Variants in ME3 observed in about 807,000 individuals in gnomAD.
The protein encoded by ME3 is NADP-dependent malic enzyme, mitochondrial.
In ME3, 48 loss-of-function variants were observed where a neutral mutation model predicts 68.9. The ratio of observed to expected loss-of-function variants is 0.70; its 90% CI spans 0.55 to 0.89. The LOEUF is 0.89. Among genes scored for constraint, ME3 ranks in the 40% least tolerant of loss-of-function variants. ME3 has a pLI of 0.00. For missense variants in ME3, 675 were observed against 797.4 expected (o/e 0.85, Z 1.85); for synonymous variants, 320 against 318.8 (o/e 1.00, Z -0.04).
At chr11:86,518,764 T>C (rs1565889820) in intron 4 of ME3, among the ~76,000 whole-genome samples, 2 of 152,206 alleles carry the variant, frequency 1.3e-5, no homozygotes, top group African/African-American at 2.4e-5. Flanking sequence ...ATAGGGTCTT[T>C]GCAGATGTGG....
intron 2 of ME3, among the ~76,000 whole-genome samples, chr11:86,664,174 AC>A (rs1397779501): frequency 6.6e-6 from 1 of 152,236 alleles, no homozygotes; most frequent in Admixed American, 6.5e-5. Context: ...AGAAACTGTA[AC>A]CTAAAATTGA....
At chr11:86,447,855 CAA>C (rs35352939) in intron 11 of ME3, among the ~76,000 whole-genome samples, 33 of 120,774 alleles carry the variant, frequency 2.7e-4, no homozygotes, top group East Asian at 9.0e-4. Context: ...TAAACTCTGT[CAA>C]AAAAAAAAAA....
Position 86,671,977 on chromosome 11 carries a change from C to T in ME3, c.-14-19G>A, listed in dbSNP as rs1281525818. 7.2e-7 allele frequency: 1 copy of T among 1,380,276 alleles called. No homozygotes were observed. Among genetic ancestry groups the T allele is most frequent in the Non-Finnish European group, 9.3e-7 (1 of 1,074,456 alleles). 85.5% of individuals were successfully genotyped at this position (1,380,276 alleles called of 1,614,324 possible). ...GGCAGACCTGGCACGGGAGAGAAAGCAAGGTCAGGGCCTCCTTCCAGCCAG... is the reference window on the plus strand; with the variant it reads ...GGCAGACCTGGCACGGGAGAGAAAGTAAGGTCAGGGCCTCCTTCCAGCCAG... On this transcript the variant is annotated intron_variant, in intron 1 of 14. Coordinates refer to ENST00000543262, the Ensembl canonical transcript of ME3.
chr11:86,662,097 G>A (rs627684), intron 2 of ME3, among the ~76,000 whole-genome samples: 46,394 of 151,970 alleles, frequency 0.31, 7,134 homozygotes, highest in East Asian at 0.36. Flanking sequence ...GAAGTCCACA[G>A]CAGGGAACAG....
At chr11:86,517,946 C>T (rs1355615292) in intron 4 of ME3, among the ~76,000 whole-genome samples, 1 of 152,106 alleles carries the variant, frequency 6.6e-6, no homozygotes, top group Non-Finnish European at 1.5e-5. Flanking sequence ...ATGTTTACTT[C>T]AAAGTATTTC....
chr11:86,556,302 G>A (rs1021354100), intron 4 of ME3, among the ~76,000 whole-genome samples: 11 of 152,160 alleles, frequency 7.2e-5, no homozygotes, highest in Admixed American at 2.6e-4. Context: ...GGCCAACTCT[G>A]AGCATGCTGG....
chr11:86,661,856 TG>T (rs1946303257), intron 2 of ME3, among the ~76,000 whole-genome samples: 2 of 71,404 alleles, frequency 2.8e-5, no homozygotes, highest in African/African-American at 1.1e-4. Flanking sequence ...TGTATTGTAT[TG>T]TATTGTATTG....
At chr11:86,460,714 A>G (rs977591819) in intron 8 of ME3, among the ~76,000 whole-genome samples, 5 of 151,138 alleles carry the variant, frequency 3.3e-5, no homozygotes, top group Admixed American at 3.3e-4. Flanking sequence ...TCACCCCTTC[A>G]CTCCCAACCC....
At chr11:86,529,009 A>C (rs1286142729) in intron 4 of ME3, among the ~76,000 whole-genome samples, 1 of 152,194 alleles carries the variant, frequency 6.6e-6, no homozygotes, top group East Asian at 1.9e-4. Context: ...CTAAGATCAG[A>C]GCTGAACTGA....
intron 5 of ME3, among the ~76,000 whole-genome samples, chr11:86,505,657 G>A (rs963405380): frequency 6.6e-6 from 1 of 152,166 alleles, no homozygotes; most frequent in Non-Finnish European, 1.5e-5. Flanking sequence ...CCATTCAAGT[G>A]CCCTTCGATG....
intron 2 of ME3, among the ~76,000 whole-genome samples, chr11:86,633,852 G>A (rs1299552500): frequency 6.6e-6 from 1 of 152,166 alleles, no homozygotes; most frequent in Non-Finnish European, 1.5e-5. Context: ...GGAAACCTGG[G>A]CTCAACGCAG....
chr11:86,595,246 T>C (rs1440789363), intron 2 of ME3, among the ~76,000 whole-genome samples: 1 of 142,914 alleles, frequency 7.0e-6, no homozygotes, highest in Admixed American at 7.6e-5. Context: ...GTTTATCACA[T>C]GTTAGAAATT....
At chr11:86,652,464 T>G (rs1945516009) in intron 2 of ME3, among the ~76,000 whole-genome samples, 2 of 152,226 alleles carry the variant, frequency 1.3e-5, no homozygotes, top group South Asian at 4.2e-4. Flanking sequence ...AAAAGAATTT[T>G]CAACCCAGAA....
intron 2 of ME3, among the ~76,000 whole-genome samples, chr11:86,612,682 CAT>C (rs1186349080): frequency 1.3e-5 from 2 of 152,156 alleles, no homozygotes; most frequent in African/African-American, 2.4e-5. Flanking sequence ...AGCTTTTTTT[CAT>C]ATGATTGTTG....
At chr11:86,655,786 G>T (rs994783163) in intron 2 of ME3, among the ~76,000 whole-genome samples, 9 of 151,396 alleles carry the variant, frequency 5.9e-5, no homozygotes, top group Non-Finnish European at 1.3e-4. Flanking sequence ...CACAGCAAAA[G>T]AAACTACCAT....
intron 4 of ME3, among the ~76,000 whole-genome samples, chr11:86,548,155 A>G (rs1244892496): frequency 6.6e-6 from 1 of 152,228 alleles, no homozygotes; most frequent in Non-Finnish European, 1.5e-5. Context: ...AGTCCTAGGC[A>G]GGCCACATGC....
chr11:86,565,467 G>A (rs1175184956), intron 2 of ME3, among the ~76,000 whole-genome samples: 1 of 152,152 alleles, frequency 6.6e-6, no homozygotes, highest in Non-Finnish European at 1.5e-5. Flanking sequence ...GCCAAAATGT[G>A]GAAATAACCC....
chr11:86,504,324 C>T (rs910842489), intron 5 of ME3, among the ~76,000 whole-genome samples: 1 of 151,298 alleles, frequency 6.6e-6, no homozygotes, highest in Non-Finnish European at 1.5e-5. Flanking sequence ...TTGTGGGTAA[C>T]CTCAGACAAG....
chr11:86,474,074 G>A (rs1022368447), intron 7 of ME3, among the ~76,000 whole-genome samples: 6 of 152,164 alleles, frequency 3.9e-5, no homozygotes, highest in South Asian at 2.1e-4. Flanking sequence ...CACGGAAGTC[G>A]TGGAAGGGAT....
Sources: gnomAD v4.1 joint callset for allele counts (sites outside exome capture counted in the v4.1 genomes callset) on GRCh38, gnomAD v4.1.1 for gene constraint, MANE v1.5 for transcripts, NCBI Gene and HGNC (gene_info 2026-07-23, HGNC 2026-07-21) for gene names.